GARNL3: variants seen among roughly 807,000 people sequenced by gnomAD.
GARNL3 encodes the protein GTPase activating Rap/RanGAP domain like 3, also known as GTPase-activating Rap/Ran-GAP domain-like protein 3.
GARNL3 carries 63 observed loss-of-function variants against 125.0 expected under a neutral mutation model. The ratio of observed to expected loss-of-function variants is 0.50; its 90% CI spans 0.41 to 0.62. The LOEUF is 0.62. Among genes scored for constraint, GARNL3 ranks in the 20% least tolerant of loss-of-function variants. GARNL3 has a pLI of 0.00. For synonymous variants in GARNL3, 439 were observed against 457.5 expected, an observed-to-expected ratio of 0.96 and a Z score of 0.52; for missense variants, 994 against 1,244.0, an observed-to-expected ratio of 0.80 and a Z score of 3.02.
chr9:127,342,256 A>G lies in GARNL3; in HGVS notation c.1173A>G (p.Thr391=). 2 of 1,613,984 alleles carry G rather than the reference A, an allele frequency of 1.2e-6. No homozygotes were observed. Among genetic ancestry groups the G allele is most frequent in the Non-Finnish European group, 1.7e-6 (2 of 1,179,878 alleles). The change falls in exon 14 of 28, where the codon ACA becomes ACG. Residue 391 remains threonine (T), a synonymous_variant. Transcript: ENST00000373387. ...NGEKATLETP[T]FAQKRRRTLD... is the part of the protein sequence containing the mutation. The stretch of plus-strand genomic sequence containing the variant: ...AAAAAGCCACTTTGGAAACCCCAAC[A>G]TTTGCCCAGAAACGTCGGCGTACCC...
intron 1 of GARNL3, among the ~76,000 whole-genome samples, chr9:127,273,037 C>T (rs987304691): frequency 6.6e-6 from 1 of 152,052 alleles, no homozygotes; most frequent in Non-Finnish European, 1.5e-5. Context: ...ATGCTTACCA[C>T]GTACCAGTCT....
At chr9:127,293,068 C>T (rs1313254194) in intron 2 of GARNL3, among the ~76,000 whole-genome samples, 1 of 152,194 alleles carries the variant, frequency 6.6e-6, no homozygotes, top group African/African-American at 2.4e-5. Context: ...GAGCATGATG[C>T]TCCATTGGAG....
chr9:127,387,814 TAAC>T (rs1159425945), intron 25 of GARNL3, among the ~76,000 whole-genome samples: 4 of 150,688 alleles, frequency 2.7e-5, no homozygotes, highest in Non-Finnish European at 4.4e-5. Flanking sequence ...AACCTGGTGA[TAAC>T]AACGACAAAA....
chr9:127,341,623 A>G (rs1462639370), intron 13 of GARNL3, among the ~76,000 whole-genome samples: 1 of 152,182 alleles, frequency 6.6e-6, no homozygotes, highest in Non-Finnish European at 1.5e-5. Context: ...GGAAGACAGC[A>G]TTCACTGTAG....
chr9:127,233,045 C>T (rs1195255453), intron 1 of GARNL3, among the ~76,000 whole-genome samples: 2 of 152,028 alleles, frequency 1.3e-5, no homozygotes, highest in African/African-American at 4.8e-5. Flanking sequence ...AGAGCAAGAC[C>T]TTGTCTCAAA....
intron 2 of GARNL3, among the ~76,000 whole-genome samples, chr9:127,251,078 A>G (rs2063393296): frequency 6.6e-6 from 1 of 152,230 alleles, no homozygotes; most frequent in South Asian, 2.1e-4. Context: ...AGTACAGTAC[A>G]GCACACCATA....
intron 11 of GARNL3, among the ~76,000 whole-genome samples, chr9:127,337,563 T>C (rs963732082): frequency 6.6e-6 from 1 of 152,118 alleles, no homozygotes; most frequent in African/African-American, 2.4e-5. Context: ...AGAAGCTGGA[T>C]GGATTCTTTC....
intron 2 of GARNL3, among the ~76,000 whole-genome samples, chr9:127,301,881 T>G (rs2064799452): frequency 6.9e-6 from 1 of 144,634 alleles, no homozygotes; most frequent in African/African-American, 2.5e-5. Flanking sequence ...GAGGGGACAA[T>G]CTTTCAGCTT....
At chr9:127,305,637 A>G (rs1294526407) in intron 2 of GARNL3, among the ~76,000 whole-genome samples, 3 of 152,036 alleles carry the variant, frequency 2.0e-5, no homozygotes, top group Non-Finnish European at 2.9e-5. Context: ...CAGTATCACT[A>G]TCATGGCTCA....
rs553861706 is a variant in GARNL3 at position 127,336,221 on chromosome 9, C to A, written c.967C>A (p.Arg323Ser). 1 of 1,612,194 alleles carries A rather than the reference C, an allele frequency of 6.2e-7. No individual in the cohort carries two copies. The highest frequency in any genetic ancestry group is 8.5e-7 in the Non-Finnish European group (1 of 1,178,346). Residue 323 changes from arginine (R) to serine (S), a missense_variant, in exon 11 of 28, where the codon CGC becomes AGC. Arg to Ser is a moderately radical substitution (Grantham distance 110). Around this residue, in one of 5 missense-constraint regions of GARNL3, gnomAD observed 728 missense variants for 865.7 expected, o/e 0.84. Coordinates refer to ENST00000373387, the MANE Select transcript of GARNL3 (RefSeq NM_032293.5). Reference sequence around the variant, plus strand: ...TCCTGCCTTTAAGCCTTCCATGATCCGCTCCCACTTTACACGTATCCTGGG... The same window carrying A: ...TCCTGCCTTTAAGCCTTCCATGATCAGCTCCCACTTTACACGTATCCTGGG... ...SSPAFKPSMIRSHFTHIFALV... is the reference protein window; with the variant it reads ...SSPAFKPSMISSHFTHIFALV...
intron 1 of GARNL3, among the ~76,000 whole-genome samples, chr9:127,233,856 T>C (rs1186938842): frequency 6.6e-6 from 1 of 152,220 alleles, no homozygotes; most frequent in African/African-American, 2.4e-5. Context: ...GGGTGCCTCC[T>C]TTTCTTCTTC....
At chr9:127,265,552 T>C (rs1337213487) in intron 1 of GARNL3, among the ~76,000 whole-genome samples, 1 of 152,208 alleles carries the variant, frequency 6.6e-6, no homozygotes, top group Non-Finnish European at 1.5e-5. Flanking sequence ...TTTTCCTTAA[T>C]GAGAGGTGTT....
At chr9:127,347,235 A>G (rs1473449313) in intron 16 of GARNL3, among the ~76,000 whole-genome samples, 1 of 152,038 alleles carries the variant, frequency 6.6e-6, no homozygotes, top group Non-Finnish European at 1.5e-5. Context: ...CCTGGGCAAC[A>G]TGGTGAGACC....
intron 1 of GARNL3, among the ~76,000 whole-genome samples, chr9:127,289,737 G>A (rs1324734978): frequency 2.0e-5 from 3 of 152,210 alleles, no homozygotes; most frequent in Non-Finnish European, 1.5e-5. Context: ...CCAGGTCTTA[G>A]AGATCACCTC....
At chr9:127,357,787 A>G (rs1450643647) in intron 21 of GARNL3, among the ~76,000 whole-genome samples, 1 of 152,166 alleles carries the variant, frequency 6.6e-6, no homozygotes, top group African/African-American at 2.4e-5. Flanking sequence ...AAAATTAAAA[A>G]AAAAAAAAGA....
chr9:127,329,286 A>C (rs1188341910), intron 7 of GARNL3, among the ~76,000 whole-genome samples: 2 of 152,202 alleles, frequency 1.3e-5, no homozygotes, highest in African/African-American at 4.8e-5. Flanking sequence ...TTTATCATTT[A>C]AACTGGGACC....
chr9:127,378,012 G>A (rs530776435), intron 22 of GARNL3, among the ~76,000 whole-genome samples: 3 of 151,962 alleles, frequency 2.0e-5, no homozygotes, highest in Admixed American at 1.3e-4. Flanking sequence ...AAACCAAGTC[G>A]GACAGATCAC....
At chr9:127,271,084 A>C (rs2063812733) in intron 1 of GARNL3, among the ~76,000 whole-genome samples, 1 of 150,252 alleles carries the variant, frequency 6.7e-6, no homozygotes, top group African/African-American at 2.5e-5. Flanking sequence ...TGGAGATGAT[A>C]TAGACAAGTC....
intron 24 of GARNL3, 88 bp from the exon 25 acceptor site, chr9:127,387,105 T>G: frequency 6.5e-6 from 9 of 1,375,016 alleles, no homozygotes; most frequent in Non-Finnish European, 9.1e-6. Flanking sequence ...GGGGACCAGT[T>G]GGAGGGTTTG....
Sources: gnomAD v4.1 joint callset for allele counts (sites outside exome capture counted in the v4.1 genomes callset) on GRCh38, gnomAD v4.1.1 for gene constraint, gnomAD v4.1.1 regional missense constraint, MANE v1.5 for transcripts, NCBI Gene and HGNC (gene_info 2026-07-23, HGNC 2026-07-21) for gene names.